The following SV2C variants were observed in gnomAD, a reference collection of about 807,000 sequenced individuals.
SV2C encodes the protein solute carrier family 22 member B3.
In SV2C, 49 loss-of-function variants were observed where a neutral mutation model predicts 79.7. The ratio of observed to expected loss-of-function variants is 0.61; its 90% CI spans 0.49 to 0.78. SV2C has a LOEUF of 0.78. Ranked by LOEUF, SV2C falls within the 30% of genes least tolerant of loss-of-function variation. SV2C has a pLI of 0.00. For missense variants in SV2C, 833 were observed against 912.9 expected, an observed-to-expected ratio of 0.91 and a Z score of 1.13; for synonymous variants, 334 against 333.2, an observed-to-expected ratio of 1.00 and a Z score of -0.03.
the SV2C span, among the ~76,000 whole-genome samples, chr5:75,916,217 T>C: frequency 0.022 from 3,264 of 147,680 alleles, 79 homozygotes; most frequent in African/African-American, 0.061. Context: ...CCTCCTCCTC[T>C]TCCTCCCCTT....
upstream of SV2C, chr5:76,079,110 T>C (rs1746936661): frequency 8.2e-6 from 3 of 363,982 alleles, no homozygotes; most frequent in Admixed American, 1.1e-4. Flanking sequence ...ATTCACCTTA[T>C]TGGAACATTA....
At chr5:75,893,186 C>A in the SV2C span, among the ~76,000 whole-genome samples, 1 of 152,036 alleles carries the variant, frequency 6.6e-6, no homozygotes, top group African/African-American at 2.4e-5. Context: ...TGATGTTGAA[C>A]ATTTTTTGAT....
the SV2C span, among the ~76,000 whole-genome samples, chr5:75,855,430 AC>A: frequency 6.6e-6 from 1 of 152,098 alleles, no homozygotes; most frequent in Admixed American, 6.6e-5. Flanking sequence ...TTTTCTACAT[AC>A]AGGTATACCT....
the SV2C span, among the ~76,000 whole-genome samples, chr5:76,077,311 T>C: frequency 6.6e-6 from 1 of 152,160 alleles, no homozygotes; most frequent in Non-Finnish European, 1.5e-5. Context: ...TGGAGAGCTC[T>C]ACAGGACATA....
chr5:76,028,448 G>T, the SV2C span, among the ~76,000 whole-genome samples: 1 of 152,136 alleles, frequency 6.6e-6, no homozygotes, highest in South Asian at 2.1e-4. Flanking sequence ...AACCAGTTTG[G>T]CTGTAGGTTT....
At chr5:76,212,655 C>A (rs955351744) in intron 4 of SV2C, among the ~76,000 whole-genome samples, 1 of 152,174 alleles carries the variant, frequency 6.6e-6, no homozygotes, top group Non-Finnish European at 1.5e-5. Context: ...ATTTCACCTG[C>A]TGGCCTTCTT....
the SV2C span, among the ~76,000 whole-genome samples, chr5:76,001,077 C>T: frequency 3.2e-4 from 49 of 151,148 alleles, 1 homozygote; most frequent in South Asian, 2.7e-3. Context: ...CTCTGATGGG[C>T]GATGAAGCAT....
the SV2C span, among the ~76,000 whole-genome samples, chr5:75,847,573 C>A: frequency 6.6e-6 from 1 of 152,204 alleles, no homozygotes; most frequent in Non-Finnish European, 1.5e-5. Flanking sequence ...TCAAGTCCAA[C>A]TTGTATAGCT....
chr5:76,175,156 G>A (rs541129070), intron 2 of SV2C, among the ~76,000 whole-genome samples: 1 of 152,278 alleles, frequency 6.6e-6, no homozygotes, highest in East Asian at 1.9e-4. Context: ...CAACCCCTAC[G>A]CTGGCCTGGT....
At chr5:76,209,935 C>T in intron 4 of SV2C, 48 bp downstream of exon 4, 2 of 1,560,922 alleles carry the variant, frequency 1.3e-6, no homozygotes, top group Non-Finnish European at 1.7e-6. Context: ...CATTTTGCTT[C>T]AGGCTCCATT....
chr5:75,881,114 C>A, the SV2C span, among the ~76,000 whole-genome samples: 1 of 152,092 alleles, frequency 6.6e-6, no homozygotes, highest in Non-Finnish European at 1.5e-5. Flanking sequence ...TGCCGCTAAG[C>A]CATTCATGAG....
chr5:76,352,121 G>T (rs1035810670), intron 12 of SV2C, among the ~76,000 whole-genome samples: 1 of 152,162 alleles, frequency 6.6e-6, no homozygotes, highest in African/African-American at 2.4e-5. Flanking sequence ...GCTGAGGCAG[G>T]AGAATTACTT....
At chr5:76,285,597 A>G (rs1747328239) in intron 5 of SV2C, 184 bp from the exon 6 acceptor site, 2 of 611,934 alleles carry the variant, frequency 3.3e-6, no homozygotes, top group Non-Finnish European at 2.8e-6. Flanking sequence ...AGTTATAACC[A>G]TATTATTTGA....
intron 4 of SV2C, among the ~76,000 whole-genome samples, chr5:76,269,501 G>C (rs1007872176): frequency 3.9e-5 from 6 of 152,174 alleles, no homozygotes; most frequent in African/African-American, 1.4e-4. Flanking sequence ...TGAGGTGCCT[G>C]GCACATGGTG....
At chr5:76,067,138 A>G in the SV2C span, among the ~76,000 whole-genome samples, 16 of 152,100 alleles carry the variant, frequency 1.1e-4, no homozygotes, top group Non-Finnish European at 1.3e-4. Flanking sequence ...TGTCACTTTG[A>G]GTTGTATTTT....
the SV2C span, among the ~76,000 whole-genome samples, chr5:75,897,833 G>A: frequency 6.6e-6 from 1 of 151,966 alleles, no homozygotes; most frequent in Non-Finnish European, 1.5e-5. Context: ...TGAAGCAATT[G>A]TAAATGGGAG....
chr5:75,923,341 C>A, the SV2C span, among the ~76,000 whole-genome samples: 1 of 152,106 alleles, frequency 6.6e-6, no homozygotes, highest in African/African-American at 2.4e-5. Flanking sequence ...ATCAGAAAAG[C>A]TCTCTGGACA....
At chr5:76,260,808 GT>G (rs895529250) in intron 4 of SV2C, among the ~76,000 whole-genome samples, 37 of 151,048 alleles carry the variant, frequency 2.4e-4, no homozygotes, top group African/African-American at 9.2e-4. Flanking sequence ...TTATATATCT[GT>G]TTTGGTACCA....
chr5:76,199,013 C>T (rs1744352799), intron 3 of SV2C, among the ~76,000 whole-genome samples: 6 of 152,106 alleles, frequency 3.9e-5, no homozygotes, highest in Admixed American at 3.9e-4. Context: ...AGGGAGAAAA[C>T]AATAATAACA....
Sources: gnomAD v4.1 joint callset for allele counts (sites outside exome capture counted in the v4.1 genomes callset) on GRCh38, gnomAD v4.1.1 for gene constraint, MANE v1.5 for transcripts, NCBI Gene and HGNC (gene_info 2026-07-23, HGNC 2026-07-21) for gene names.